Variants in RFX7 observed in about 807,000 individuals in gnomAD.
RFX7 encodes DNA-binding protein RFX7.
RFX7 carries 26 observed loss-of-function variants against 111.8 expected under a neutral mutation model. The observed-to-expected ratio is 0.23, with a 90% CI of 0.17 to 0.32. The LOEUF is 0.32. RFX7 is among the 10% of genes least tolerant of loss of function. The pLI, the probability that RFX7 is intolerant of heterozygous loss-of-function variation, is 1.00. For missense variants in RFX7, 1,573 were observed against 1,772.9 expected (o/e 0.89, Z 2.02); for synonymous variants, 624 against 624.4 (o/e 1.00, Z 0.01).
intron 2 of RFX7, among the ~76,000 whole-genome samples, chr15:56,209,310 A>G (rs1420972811): frequency 6.6e-6 from 1 of 151,730 alleles, no homozygotes; most frequent in East Asian, 1.9e-4. Context: ...AACCCAACCT[A>G]GAATACTAAC....
chr15:56,158,461 ATG>A (rs2042681017), intron 3 of RFX7, among the ~76,000 whole-genome samples: 1 of 152,222 alleles, frequency 6.6e-6, no homozygotes, highest in African/African-American at 2.4e-5. Flanking sequence ...AGAAAATTTG[ATG>A]TGGCAAAGTA....
intron 3 of RFX7, among the ~76,000 whole-genome samples, chr15:56,175,809 A>G (rs1299385261): frequency 6.6e-6 from 1 of 152,210 alleles, no homozygotes; most frequent in Non-Finnish European, 1.5e-5. Context: ...GAAGATTGAG[A>G]TATCTGGAAA....
At chr15:56,241,709 C>G (rs1307515664) in intron 2 of RFX7, among the ~76,000 whole-genome samples, 1 of 124,808 alleles carries the variant, frequency 8.0e-6, no homozygotes, top group Admixed American at 8.6e-5. Context: ...AAGAATAAAG[C>G]CTGCTTTCTG....
At chr15:56,228,139 C>A (rs1385405824) in intron 2 of RFX7, among the ~76,000 whole-genome samples, 1 of 151,410 alleles carries the variant, frequency 6.6e-6, no homozygotes, top group Non-Finnish European at 1.5e-5. Context: ...TCAAGATTTT[C>A]TCTAATTTTC....
At chr15:56,149,542 C>A (rs2042537970) in intron 3 of RFX7, among the ~76,000 whole-genome samples, 1 of 152,182 alleles carries the variant, frequency 6.6e-6, no homozygotes, top group African/African-American at 2.4e-5. Flanking sequence ...GTGTGTGCAG[C>A]CCACGGAGGG....
intron 6 of RFX7, among the ~76,000 whole-genome samples, chr15:56,103,333 A>T (rs983379618): frequency 2.0e-5 from 3 of 152,192 alleles, no homozygotes; most frequent in African/African-American, 4.8e-5. Context: ...GGTAAAATCT[A>T]TCACAATTCT....
chr15:56,132,668 G>A (rs761590901), intron 5 of RFX7, among the ~76,000 whole-genome samples: 2 of 152,022 alleles, frequency 1.3e-5, no homozygotes, highest in Non-Finnish European at 2.9e-5. Context: ...TACAAGCTGT[G>A]ACAAAAGTGT....
At chr15:56,234,063 A>G (rs867494468) in intron 2 of RFX7, among the ~76,000 whole-genome samples, 3 of 152,210 alleles carry the variant, frequency 2.0e-5, no homozygotes, top group Non-Finnish European at 2.9e-5. Context: ...GTTTGGATTT[A>G]TAGCCCATCC....
At chr15:56,137,726 T>G in intron 5 of RFX7, among the ~76,000 whole-genome samples, 1 of 152,084 alleles carries the variant, frequency 6.6e-6, no homozygotes. Flanking sequence ...ATTTTAGATC[T>G]TTCCTGCATT....
At chr15:56,122,722 C>T (rs1243128748) in intron 5 of RFX7, among the ~76,000 whole-genome samples, 8 of 145,378 alleles carry the variant, frequency 5.5e-5, no homozygotes, top group Admixed American at 7.0e-5. Context: ...TATCCTACTG[C>T]GGTTAAGCTG....
In RFX7 at chr15:56,096,075, C is replaced by T. The variant is rs1242748752; in HGVS notation, c.1653G>A (p.Gln551=). 2 of 1,613,600 alleles carry T rather than the reference C, an allele frequency of 1.2e-6. No homozygotes were observed. The highest frequency in any genetic ancestry group is 1.7e-6 in the Non-Finnish European group (2 of 1,179,736). Residue 551 remains glutamine, a synonymous_variant, in exon 10 of 10, where the codon CAG becomes CAA. Coordinates refer to ENST00000559447, the MANE Select transcript of RFX7 (RefSeq NM_022841.7). ...TAGCCTCATCAGAGTTCTCTTGGCA[C>T]TGTACAGGATGCTCATCTGATGATG... The part of the protein sequence containing the change: ...PETSSDEHPV[Q]CQENSDEAKA...
chr15:56,137,310 T>C (rs1471851654), intron 5 of RFX7, among the ~76,000 whole-genome samples: 3 of 152,222 alleles, frequency 2.0e-5, no homozygotes, highest in Non-Finnish European at 4.4e-5. Context: ...ATTGGTCTAT[T>C]CAGATATTCA....
chr15:56,135,519 T>G (rs1358530054), intron 5 of RFX7, among the ~76,000 whole-genome samples: 3 of 151,876 alleles, frequency 2.0e-5, no homozygotes. Flanking sequence ...ATATTAGCCC[T>G]TTGTCAGATG....
At chr15:56,105,197 G>C (rs532470747) in intron 5 of RFX7, among the ~76,000 whole-genome samples, 11 of 152,114 alleles carry the variant, frequency 7.2e-5, no homozygotes, top group Admixed American at 7.2e-4. Context: ...TAAATTTTAT[G>C]ATTTTTGAAA....
At chr15:56,229,847 G>A (rs532829125) in intron 2 of RFX7, among the ~76,000 whole-genome samples, 148 of 151,848 alleles carry the variant, frequency 9.7e-4, no homozygotes, top group Non-Finnish European at 1.8e-3. Flanking sequence ...ACCCAAAAAG[G>A]AAGGAAGGAA....
intron 2 of RFX7, among the ~76,000 whole-genome samples, chr15:56,218,897 C>T (rs900272065): frequency 2.6e-5 from 4 of 151,912 alleles, no homozygotes. Flanking sequence ...ACAGAGAGAT[C>T]GAATTGCACA....
intron 3 of RFX7, among the ~76,000 whole-genome samples, chr15:56,176,252 G>A (rs1428017443): frequency 2.0e-5 from 3 of 152,056 alleles, no homozygotes; most frequent in South Asian, 4.2e-4. Flanking sequence ...AGAATCAAGG[G>A]ACTGAAAAAG....
At chr15:56,208,979 C>T (rs2141194142) in intron 2 of RFX7, among the ~76,000 whole-genome samples, 1 of 152,144 alleles carries the variant, frequency 6.6e-6, no homozygotes, top group African/African-American at 2.4e-5. Flanking sequence ...AAGAGTAATA[C>T]ATGAAATTTC....
chr15:56,184,736 G>A (rs1403220742), intron 2 of RFX7, among the ~76,000 whole-genome samples: 1 of 152,120 alleles, frequency 6.6e-6, no homozygotes, highest in Non-Finnish European at 1.5e-5. Flanking sequence ...TGGTTCAAAC[G>A]TTATCTCCTT....
Sources: allele counts gnomAD v4.1 joint callset (sites outside exome capture counted in the v4.1 genomes callset), GRCh38; gene constraint gnomAD v4.1.1; transcripts MANE v1.5; gene names NCBI Gene and HGNC (gene_info 2026-07-23, HGNC 2026-07-21).